The following ZFYVE28 variants were observed in gnomAD, a reference collection of about 807,000 sequenced individuals.
ZFYVE28 encodes lateral signaling target protein 2 homolog.
Under a neutral mutation model 82.1 loss-of-function variants are expected in ZFYVE28, and 40 were observed. That is an observed-to-expected ratio of 0.49 (90% CI 0.38 to 0.63). ZFYVE28 has a LOEUF of 0.63. ZFYVE28 is among the 30% of genes least tolerant of loss of function. The pLI, the probability that ZFYVE28 is intolerant of heterozygous loss-of-function variation, is 0.00. For missense variants in ZFYVE28, 1,321 were observed against 1,242.1 expected (o/e 1.06, Z -0.96); for synonymous variants, 612 against 546.1 (o/e 1.12, Z -1.68).
intron 1 of ZFYVE28, among the ~76,000 whole-genome samples, chr4:2,384,405 AG>A (rs1729039402): frequency 6.6e-6 from 1 of 152,250 alleles, no homozygotes; most frequent in Non-Finnish European, 1.5e-5. Flanking sequence ...AGGGCTGCCC[AG>A]GGTCACTCCA....
intron 1 of ZFYVE28, among the ~76,000 whole-genome samples, chr4:2,405,608 G>C (rs1731799284): frequency 6.6e-6 from 1 of 152,216 alleles, no homozygotes; most frequent in Non-Finnish European, 1.5e-5. Context: ...CAGAGGGAAG[G>C]GGCCGGGGCA....
At chr4:2,330,117 A>T in intron 6 of ZFYVE28, 1 of 230,826 alleles carries the variant, frequency 4.3e-6, no homozygotes, top group Non-Finnish European at 7.1e-6. Context: ...GGCAGGATGA[A>T]GGATAATAGG....
chr4:2,308,840 T>C (rs1717095935), intron 7 of ZFYVE28, among the ~76,000 whole-genome samples: 1 of 152,178 alleles, frequency 6.6e-6, no homozygotes, highest in South Asian at 2.1e-4. Context: ...ATAGATTAAT[T>C]TGAGACCAAC....
At chr4:2,271,264 A>T (rs780695962) in intron 12 of ZFYVE28, 47 bp downstream of exon 12, 1 of 1,571,526 alleles carries the variant, frequency 6.4e-7, no homozygotes, top group South Asian at 1.1e-5. Context: ...CTGTCCGTGG[A>T]CGCCCTTGGA....
At chr4:2,383,990 A>G (rs1728988522) in intron 1 of ZFYVE28, among the ~76,000 whole-genome samples, 4 of 152,214 alleles carry the variant, frequency 2.6e-5, no homozygotes. Context: ...TGTCCCCATC[A>G]CCCTGAAGTG....
At chr4:2,414,089 G>C (rs1050145921) in intron 1 of ZFYVE28, among the ~76,000 whole-genome samples, 1 of 152,200 alleles carries the variant, frequency 6.6e-6, no homozygotes, top group African/African-American at 2.4e-5. Context: ...CGTTTCCAGG[G>C]TGCCGCCCCT....
rs1022528682 is a variant in ZFYVE28 at position 2,332,584 on chromosome 4, G to A, written c.701+3121C>T. Among the ~76,000 whole-genome samples the A allele has an allele frequency of 1.2e-4, 19 of 152,204 alleles. No individual in the cohort carries two copies. The highest frequency in any genetic ancestry group is 4.6e-4 in the African/African-American group (19 of 41,436). ...CTGGTACAAGCACAGGGCGAGGTAT[G>A]CAGTAGGCACTCAATACTTGCTCAC... On this transcript the variant is annotated intron_variant, in intron 6 of 12. Transcript: ENST00000290974. The surrounding 1 kb of genome is among the most constrained non-coding windows in gnomAD (Gnocchi z 4.7).
rs1464010390 is a variant in ZFYVE28, at chr4:2,408,270, G to A, written c.39+10015C>T. On this transcript the variant is annotated intron_variant, in intron 1 of 12. Transcript: ENST00000290974. This position sits in a 1 kb window ranked among gnomAD's most constrained non-coding sequence, Gnocchi z 4.3. Reference sequence around the variant, plus strand: ...AGTGCTCCCAAGAACATCCTACCAAGCCAGCATTTCCCTGCATCCCCACAC... The same window carrying A: ...AGTGCTCCCAAGAACATCCTACCAAACCAGCATTTCCCTGCATCCCCACAC... Among the ~76,000 whole-genome samples, 1 of 152,124 alleles carries A rather than the reference G, an allele frequency of 6.6e-6. No individual in the cohort carries two copies. The highest frequency in any genetic ancestry group is 2.4e-5 in the African/African-American group (1 of 41,434).
chr4:2,344,736 A>G (rs1212005684), intron 2 of ZFYVE28, among the ~76,000 whole-genome samples: 3 of 152,128 alleles, frequency 2.0e-5, no homozygotes, highest in Non-Finnish European at 2.9e-5. Context: ...GTCTCTACTA[A>G]AAATACACAA....
At chr4:2,315,439 G>T (rs1718065694) in intron 7 of ZFYVE28, among the ~76,000 whole-genome samples, 1 of 151,980 alleles carries the variant, frequency 6.6e-6, no homozygotes, top group African/African-American at 2.4e-5. Flanking sequence ...ACGCCTGGCT[G>T]ATTTTTGAAT....
At chr4:2,405,942 G>A (rs11248102) in intron 1 of ZFYVE28, among the ~76,000 whole-genome samples, 24,029 of 151,404 alleles carry the variant, frequency 0.16, 2,046 homozygotes, top group East Asian at 0.33. Context: ...CCAGCTACTC[G>A]GGAGGCTGAG....
chr4:2,377,103 G>C lies in ZFYVE28; in HGVS notation c.40-23030C>G, dbSNP rs893185589. 3.3e-5 allele frequency among the ~76,000 whole-genome samples: 5 copies of C among 151,272 alleles called. No individual in the cohort carries two copies. The East Asian group carries it at 9.8e-4, about 30-fold the overall frequency. ...GTGGCGCGATCTTGGCTCACTGCAAGCTCCACCTCCCGGGTTCACGCCATT... is the reference window on the plus strand; with the variant it reads ...GTGGCGCGATCTTGGCTCACTGCAACCTCCACCTCCCGGGTTCACGCCATT... On this transcript the variant is annotated intron_variant, in intron 1 of 12. Transcript: ENST00000290974.
chr4:2,341,434 C>A lies in ZFYVE28; in HGVS notation c.318+44G>T, dbSNP rs774349463. ...AGGTTCGCAGGGACTTGGCTAGACG[C>A]CACCCCACATCAGGACCTCCGAACC... is the stretch of plus-strand genomic sequence containing the variant. On this transcript the variant is annotated intron_variant, in intron 3 of 12. Transcript: ENST00000290974. This position sits in a 1 kb window ranked among gnomAD's most constrained non-coding sequence, Gnocchi z 4.5. The A allele has an allele frequency of 5.6e-6, 9 of 1,607,680 alleles. No homozygotes were observed. In the African/African-American group the frequency reaches 1.2e-4, roughly 21 times the overall value.
chr4:2,308,693 AAAAG>A (rs1717048766), intron 7 of ZFYVE28, among the ~76,000 whole-genome samples: 1 of 117,244 alleles, frequency 8.5e-6, no homozygotes, highest in African/African-American at 3.5e-5. Context: ...GAAAGAAAAG[AAAAG>A]AAAAGAAAAA....
At chr4:2,359,828 C>A (rs2108890833) in intron 1 of ZFYVE28, among the ~76,000 whole-genome samples, 1 of 152,300 alleles carries the variant, frequency 6.6e-6, no homozygotes, top group East Asian at 1.9e-4. Flanking sequence ...ATCCACTTAG[C>A]AAACCCTGCC....
At chr4:2,363,712 C>CCTGG (rs1726475581) in intron 1 of ZFYVE28, among the ~76,000 whole-genome samples, 2 of 152,214 alleles carry the variant, frequency 1.3e-5, no homozygotes, top group African/African-American at 4.8e-5. Flanking sequence ...GATGCAGTGC[C>CCTGG]CACAGGCAGA....
rs145036994 is a variant in ZFYVE28 at position 2,345,195 on chromosome 4, A to G, written c.181-3580T>C. On this transcript the variant is annotated intron_variant, in intron 2 of 12. Coordinates refer to ENST00000290974, the MANE Select transcript of ZFYVE28 (RefSeq NM_020972.3). ...AGACTGGGCAACAGAGTGAGACTCC[A>G]TCTCAAAAAAAAGAAAAAAAAATTA... 6.0e-3 allele frequency among the ~76,000 whole-genome samples: 911 copies of G among 152,170 alleles called. 6 individuals are homozygous for G. Among genetic ancestry groups the G allele is most frequent in the African/African-American group, 0.02 (851 of 41,514 alleles).
chr4:2,291,024 A>G (rs1239619721), intron 8 of ZFYVE28, among the ~76,000 whole-genome samples: 1 of 152,240 alleles, frequency 6.6e-6, no homozygotes, highest in Non-Finnish European at 1.5e-5. Context: ...AGATTAGCGA[A>G]GAGTGCCTGC....
At chr4:2,294,137 A>G (rs1230971395) in intron 8 of ZFYVE28, among the ~76,000 whole-genome samples, 9 of 151,968 alleles carry the variant, frequency 5.9e-5, no homozygotes. Context: ...GAAAGGAGAC[A>G]GAATAGCCAA....
Sources: allele counts gnomAD v4.1 joint callset (sites outside exome capture counted in the v4.1 genomes callset), GRCh38; gene constraint gnomAD v4.1.1; non-coding constraint Gnocchi (gnomAD v3.1); transcripts MANE v1.5; gene names NCBI Gene and HGNC (gene_info 2026-07-23, HGNC 2026-07-21).